MDFIC: variants seen among roughly 807,000 people sequenced by gnomAD.
MDFIC encodes the protein MyoD family inhibitor domain containing.
Under a neutral mutation model 23.2 loss-of-function variants are expected in MDFIC, and 17 were observed. The ratio of observed to expected loss-of-function variants is 0.73; its 90% CI spans 0.50 to 1.10. MDFIC has a LOEUF of 1.10. Among genes scored for constraint, MDFIC ranks in the 50% least tolerant of loss-of-function variants. The pLI is 0.00. For missense variants in MDFIC, 356 were observed against 316.6 expected (o/e 1.12, Z -0.95); for synonymous variants, 120 against 115.2 (o/e 1.04, Z -0.27).
At chr7:114,991,518 A>G (rs1034646627) in intron 4 of MDFIC, among the ~76,000 whole-genome samples, 3 of 152,114 alleles carry the variant, frequency 2.0e-5, no homozygotes, top group African/African-American at 7.2e-5. Flanking sequence ...TCTTGAGTTA[A>G]TTTTTGTATA....
chr7:115,017,691 A>G lies in MDFIC; in HGVS notation c.*1756A>G, dbSNP rs1480085017. 1 of 152,426 alleles carries G rather than the reference A, an allele frequency of 6.6e-6. No homozygotes were observed. The highest frequency in any genetic ancestry group is 1.5e-5 in the Non-Finnish European group (1 of 67,902). 9.4% of individuals were successfully genotyped at this position (152,426 alleles called of 1,614,324 possible). On this transcript the variant is annotated 3_prime_UTR_variant, in exon 5 of 5. Transcript: ENST00000393486. ...GTGGCTTAGATGAAAGGGAGAGTAA[A>G]TTTTCATACCATGCTCTCTCCTACT...
intron 3 of MDFIC, among the ~76,000 whole-genome samples, chr7:114,943,858 A>C (rs1206999020): frequency 6.6e-6 from 1 of 152,088 alleles, no homozygotes; most frequent in Non-Finnish European, 1.5e-5. Context: ...GCTTCATTTA[A>C]TTGGTTTATT....
rs2116175146 is a variant in MDFIC, at chr7:115,019,301, A to G, written c.*3366A>G. On this transcript the variant is annotated 3_prime_UTR_variant, in exon 5 of 5. Transcript: ENST00000393486. ...GACTTTATTTAGGAGAAGGCTTTTTATTTAGAAAATTATTTTTTCATTTTT... is the reference window on the plus strand; with the variant it reads ...GACTTTATTTAGGAGAAGGCTTTTTGTTTAGAAAATTATTTTTTCATTTTT... 2 of 152,140 alleles carry G rather than the reference A, an allele frequency of 1.3e-5. 1 individual carries two copies. Among genetic ancestry groups the G allele is most frequent in the Middle Eastern group, 6.8e-3 (2 of 294 alleles). The allele number at this position is 152,140 out of a possible 1,614,324, so 9.4% of individuals were successfully genotyped here.
intron 4 of MDFIC, among the ~76,000 whole-genome samples, chr7:115,013,145 G>C (rs775609994): frequency 6.6e-6 from 1 of 152,052 alleles, no homozygotes; most frequent in Non-Finnish European, 1.5e-5. Context: ...AGCAATTTGC[G>C]GAGTATAGTT....
chr7:115,005,665 A>G (rs999270835), intron 4 of MDFIC, among the ~76,000 whole-genome samples: 2 of 152,216 alleles, frequency 1.3e-5, no homozygotes, highest in Non-Finnish European at 2.9e-5. Flanking sequence ...GTTTTCAGCA[A>G]TTTTAGAGTA....
intron 4 of MDFIC, among the ~76,000 whole-genome samples, chr7:114,990,762 G>T (rs975173852): frequency 1.4e-4 from 21 of 152,084 alleles, no homozygotes; most frequent in African/African-American, 4.8e-4. Context: ...TGGGCATTTG[G>T]GTTGGTTCCA....
chr7:114,956,386 T>TA (rs1204460654), intron 3 of MDFIC, among the ~76,000 whole-genome samples: 6 of 151,738 alleles, frequency 4.0e-5, no homozygotes, highest in Non-Finnish European at 2.9e-5. Context: ...CACACATATA[T>TA]ATACACACAT....
intron 3 of MDFIC, among the ~76,000 whole-genome samples, chr7:114,958,533 C>T (rs1025630875): frequency 2.0e-5 from 3 of 152,124 alleles, no homozygotes; most frequent in Admixed American, 6.5e-5. Context: ...GGCGGATCAC[C>T]TGAGGTCAGG....
At position 115,015,058 on chromosome 7, in the gene MDFIC, C is replaced by T. The variant is rs73447415; in HGVS notation, c.494-630C>T. ...CTTTGTTAGAAGTAGGCAGAAGAAC[C>T]GTTCTAGAAATGATAGTTGGACCCA... On this transcript the variant is annotated intron_variant, in intron 4 of 4. Transcript: ENST00000393486. 3.8e-3 allele frequency among the ~76,000 whole-genome samples: 579 copies of T among 152,086 alleles called. 3 individuals carry two copies. The highest frequency in any genetic ancestry group is 0.013 in the African/African-American group (531 of 41,492).
chr7:114,923,374 G>C (rs1375755365), intron 2 of MDFIC: 1 of 1,377,600 alleles, frequency 7.3e-7, no homozygotes, highest in Non-Finnish European at 9.9e-7. Context: ...CGAAGAAACA[G>C]GATGACAGGA....
intron 3 of MDFIC, among the ~76,000 whole-genome samples, chr7:114,975,055 CT>C (rs1004908701): frequency 1.0e-4 from 15 of 150,702 alleles, no homozygotes; most frequent in African/African-American, 2.2e-4. Flanking sequence ...ATCAAGAATA[CT>C]TTTTTTTTGC....
intron 3 of MDFIC, among the ~76,000 whole-genome samples, chr7:114,952,549 C>G (rs1326015983): frequency 6.6e-6 from 1 of 152,070 alleles, no homozygotes; most frequent in African/African-American, 2.4e-5. Flanking sequence ...GAAATCTCTT[C>G]TAAAACACAC....
intron 2 of MDFIC, among the ~76,000 whole-genome samples, chr7:114,933,455 C>T (rs1792367860): frequency 6.6e-6 from 1 of 152,120 alleles, no homozygotes; most frequent in African/African-American, 2.4e-5. Context: ...GAAGGGATTT[C>T]ACCATGTTGG....
rs1243307260 is a variant in MDFIC at position 114,922,412 on chromosome 7, G to A, written c.-332G>A. 1.2e-5 allele frequency: 15 copies of A among 1,239,102 alleles called. No individual in the cohort carries two copies. The highest frequency in any genetic ancestry group is 1.5e-5 in the Non-Finnish European group (15 of 989,228). 76.8% of individuals were successfully genotyped at this position (1,239,102 alleles called of 1,614,324 possible). Reference sequence around the variant, plus strand: ...GGAGTGAGCTGGCTGGAAAGAGGGGGCGGAGTGCGCGGAGTCAGAGCCGCC... The same window carrying A: ...GGAGTGAGCTGGCTGGAAAGAGGGGACGGAGTGCGCGGAGTCAGAGCCGCC... On this transcript the variant is annotated 5_prime_UTR_variant, in exon 1 of 5. Coordinates refer to ENST00000393486, the MANE Select transcript of MDFIC (RefSeq NM_001166345.3).
chr7:114,947,934 T>C (rs147745979), intron 3 of MDFIC, among the ~76,000 whole-genome samples: 11 of 152,332 alleles, frequency 7.2e-5, no homozygotes, highest in African/African-American at 2.6e-4. Context: ...CTATTAGTTC[T>C]AAGGTTTGTT....
chr7:114,956,043 G>T (rs916312438), intron 3 of MDFIC, among the ~76,000 whole-genome samples: 1 of 152,156 alleles, frequency 6.6e-6, no homozygotes, highest in Non-Finnish European at 1.5e-5. Flanking sequence ...GGAGAGTGGG[G>T]TAGAGATAAG....
chr7:114,927,230 C>T (rs1277001968), intron 2 of MDFIC, among the ~76,000 whole-genome samples: 1 of 152,038 alleles, frequency 6.6e-6, no homozygotes, highest in African/African-American at 2.4e-5. Flanking sequence ...TTTAATCAAG[C>T]TCCAGGTGCT....
At chr7:115,006,628 A>C (rs767510461) in intron 4 of MDFIC, among the ~76,000 whole-genome samples, 1 of 152,246 alleles carries the variant, frequency 6.6e-6, no homozygotes, top group Non-Finnish European at 1.5e-5. Flanking sequence ...TGGGAAAATA[A>C]AATTAGAAAA....
chr7:114,944,481 A>G (rs1264495937), intron 3 of MDFIC, among the ~76,000 whole-genome samples: 2 of 152,218 alleles, frequency 1.3e-5, no homozygotes, highest in Non-Finnish European at 2.9e-5. Flanking sequence ...AAAAAATTTG[A>G]TATCTGGATT....
Sources: gnomAD v4.1 joint callset for allele counts (sites outside exome capture counted in the v4.1 genomes callset) on GRCh38, gnomAD v4.1.1 for gene constraint, MANE v1.5 for transcripts, NCBI Gene and HGNC (gene_info 2026-07-23, HGNC 2026-07-21) for gene names.